Variants in NHSL1 observed in about 807,000 individuals in gnomAD.
NHSL1 encodes the protein NHS like 1, also known as NHS-like protein 1.
NHSL1 carries 48 observed loss-of-function variants against 95.0 expected under a neutral mutation model. The ratio of observed to expected loss-of-function variants is 0.51; its 90% CI spans 0.40 to 0.64. The LOEUF (loss-of-function observed/expected upper bound fraction) is 0.64, where lower values mean the gene tolerates loss of function less well. NHSL1 is among the 30% of genes least tolerant of loss of function. NHSL1 has a pLI of 0.00. For missense variants in NHSL1, 1,971 were observed against 2,077.7 expected, an observed-to-expected ratio of 0.95 and a Z score of 1.00; for synonymous variants, 783 against 833.9, an observed-to-expected ratio of 0.94 and a Z score of 1.05.
intron 1 of NHSL1, among the ~76,000 whole-genome samples, chr6:138,679,931 A>T (rs1490625118): frequency 6.6e-6 from 1 of 152,208 alleles, no homozygotes; most frequent in Non-Finnish European, 1.5e-5. Context: ...AGATCCAAAC[A>T]TATAAATATA....
chr6:138,423,878 C>A lies in NHSL1; in HGVS notation c.*203G>T. The A allele has an allele frequency of 1.9e-5, 6 of 308,066 alleles. No individual in the cohort carries two copies. Among genetic ancestry groups the A allele is most frequent in the Admixed American group, 5.2e-5 (1 of 19,146 alleles). The allele number at this position is 308,066 out of a possible 1,614,324, so 19.1% of individuals were successfully genotyped here. A position where few individuals can be genotyped will look rare whatever the true frequency, so the allele number is the denominator to read the frequency against. On this transcript the variant is annotated 3_prime_UTR_variant, in exon 8 of 8. Coordinates refer to ENST00000343505, the MANE Select transcript of NHSL1 (RefSeq NM_001144060.2). ...GCACTTTCAGAAGTTTAAGCTTCTA[C>A]TTGTTCTTAAGCCACAGGGCAAGTG...
intron 1 of NHSL1, among the ~76,000 whole-genome samples, chr6:138,519,394 C>G (rs572028275): frequency 6.6e-6 from 1 of 152,106 alleles, no homozygotes; most frequent in African/African-American, 2.4e-5. Context: ...AAAATATTTA[C>G]TTCTTCATAA....
chr6:138,576,268 A>C (rs1468660723), upstream of NHSL1, among the ~76,000 whole-genome samples: 1 of 152,150 alleles, frequency 6.6e-6, no homozygotes, highest in Non-Finnish European at 1.5e-5. Flanking sequence ...CTGGGATTAC[A>C]AGCATGACCC....
chr6:138,446,284 G>A (rs1170069420), intron 4 of NHSL1, among the ~76,000 whole-genome samples: 2 of 152,002 alleles, frequency 1.3e-5, no homozygotes, highest in African/African-American at 2.4e-5. Context: ...TGATCTGCCC[G>A]CCTCAGCCTC....
At chr6:138,625,459 C>T (rs556477995) in intron 1 of NHSL1, among the ~76,000 whole-genome samples, 1 of 152,088 alleles carries the variant, frequency 6.6e-6, no homozygotes, top group African/African-American at 2.4e-5. Context: ...ATTGCTTTTC[C>T]AGCGTTTAGG....
chr6:138,560,666 C>T (rs974905538), intron 1 of NHSL1, among the ~76,000 whole-genome samples: 9 of 152,170 alleles, frequency 5.9e-5, no homozygotes, highest in Non-Finnish European at 8.8e-5. Flanking sequence ...AGCAACCAAA[C>T]TAAGCACCAG....
chr6:138,652,299 G>A (rs1001983094), intron 1 of NHSL1, among the ~76,000 whole-genome samples: 1 of 152,060 alleles, frequency 6.6e-6, no homozygotes, highest in African/African-American at 2.4e-5. Flanking sequence ...AAATTAGCCA[G>A]GCGTGGCGGC....
At chr6:138,545,712 CAG>C (rs1782765702), upstream of NHSL1, 44 of 1,279,498 alleles carry the variant, frequency 3.4e-5, 1 homozygote, top group South Asian at 5.4e-4. Flanking sequence ...AGCTGTCTCC[CAG>C]CCCACCTCCT....
At chr6:138,485,898 G>A (rs1000361596) in intron 2 of NHSL1, among the ~76,000 whole-genome samples, 1 of 152,080 alleles carries the variant, frequency 6.6e-6, no homozygotes, top group African/African-American at 2.4e-5. Context: ...AGACCTGAGC[G>A]AGAGAGCACC....
chr6:138,568,319 AG>A (rs1783696611), intron 1 of NHSL1, among the ~76,000 whole-genome samples: 1 of 152,174 alleles, frequency 6.6e-6, no homozygotes, highest in Non-Finnish European at 1.5e-5. Context: ...CCATGACTTC[AG>A]GGCCTGAGTG....
chr6:138,574,114 G>A (rs1212675858), upstream of NHSL1, among the ~76,000 whole-genome samples: 1 of 152,042 alleles, frequency 6.6e-6, no homozygotes, highest in Non-Finnish European at 1.5e-5. Flanking sequence ...TGTATTTTTA[G>A]TAGAGACAGG....
At chr6:138,544,466 C>A (rs1469258200) in intron 1 of NHSL1, among the ~76,000 whole-genome samples, 4 of 151,866 alleles carry the variant, frequency 2.6e-5, no homozygotes, top group Non-Finnish European at 4.4e-5. Context: ...TTTGCACCTA[C>A]TATATAAAGG....
intron 1 of NHSL1, among the ~76,000 whole-genome samples, chr6:138,529,397 C>T (rs1222623215): frequency 6.6e-6 from 1 of 152,196 alleles, no homozygotes; most frequent in Non-Finnish European, 1.5e-5. Flanking sequence ...TTTTCTACAG[C>T]CTTTCTAAAG....
At chr6:138,679,953 AAG>A (rs1326386329) in intron 1 of NHSL1, among the ~76,000 whole-genome samples, 2 of 152,194 alleles carry the variant, frequency 1.3e-5, no homozygotes, top group Non-Finnish European at 2.9e-5. Context: ...TGGCCAAAAA[AAG>A]AGAGAAAATG....
At chr6:138,670,520 G>A (rs1785351741) in intron 1 of NHSL1, among the ~76,000 whole-genome samples, 1 of 150,886 alleles carries the variant, frequency 6.6e-6, no homozygotes, top group Admixed American at 6.6e-5. Context: ...CAAAAAATTA[G>A]CCGGGCGTAG....
At chr6:138,484,212 A>G (rs1779590990) in intron 2 of NHSL1, among the ~76,000 whole-genome samples, 1 of 152,236 alleles carries the variant, frequency 6.6e-6, no homozygotes, top group Non-Finnish European at 1.5e-5. Context: ...CTTTCTAGTC[A>G]GACAGAACAG....
intron 1 of NHSL1, among the ~76,000 whole-genome samples, chr6:138,556,396 T>C (rs9321665): frequency 0.062 from 9,391 of 152,148 alleles, 964 homozygotes; most frequent in African/African-American, 0.21. Context: ...GCTTCTGTCA[T>C]TGTTATTGTC....
At chr6:138,609,183 G>C (rs186337267) in intron 1 of NHSL1, among the ~76,000 whole-genome samples, 118 of 152,254 alleles carry the variant, frequency 7.8e-4, no homozygotes, top group African/African-American at 2.4e-3. Context: ...CAAGCAAATG[G>C]ATGTTGCTTA....
chr6:138,576,005 A>T, upstream of NHSL1, among the ~76,000 whole-genome samples: 1 of 148,860 alleles, frequency 6.7e-6, no homozygotes, highest in Non-Finnish European at 1.5e-5. Context: ...TTATTTATTT[A>T]TTTTGAGGCA....
Sources: gnomAD v4.1 joint callset for allele counts (sites outside exome capture counted in the v4.1 genomes callset) on GRCh38, gnomAD v4.1.1 for gene constraint, MANE v1.5 for transcripts, NCBI Gene and HGNC (gene_info 2026-07-23, HGNC 2026-07-21) for gene names.